The following HPGDS variants were observed in gnomAD, a reference collection of about 807,000 sequenced individuals.
HPGDS encodes the protein hematopoietic prostaglandin D synthase, also known as GST class-sigma.
In HPGDS, 26 loss-of-function variants were observed where a neutral mutation model predicts 23.1. That is an observed-to-expected ratio of 1.13 (90% CI 0.83 to 1.56). The LOEUF (loss-of-function observed/expected upper bound fraction) is 1.56. Ranked by LOEUF, HPGDS falls within the 40% of genes most tolerant of loss-of-function variation. The probability of loss-of-function intolerance (pLI) is 0.00; values close to 1 mark genes in which losing one functional copy is unlikely to be tolerated. For synonymous variants in HPGDS, 95 were observed against 77.9 expected (o/e 1.22, Z -1.16); for missense variants, 268 against 236.4 (o/e 1.13, Z -0.88).
chr4:94,340,334 T>TC (rs1721133392), intron 1 of HPGDS, among the ~76,000 whole-genome samples: 4 of 38,390 alleles, frequency 1.0e-4, no homozygotes, highest in Non-Finnish European at 1.7e-4. Context: ...TTTTTTTTTT[T>TC]TTTTTTTTTT....
At chr4:94,313,368 A>G (rs1417340177) in intron 3 of HPGDS, among the ~76,000 whole-genome samples, 1 of 152,084 alleles carries the variant, frequency 6.6e-6, no homozygotes, top group Non-Finnish European at 1.5e-5. Flanking sequence ...GCTTGTCTGG[A>G]AAGGATTTTA....
intron 2 of HPGDS, among the ~76,000 whole-genome samples, chr4:94,319,151 G>T (rs767592708): frequency 6.6e-6 from 1 of 152,118 alleles, no homozygotes; most frequent in Non-Finnish European, 1.5e-5. Context: ...TCCAACTCTT[G>T]TTACATTAGA....
At chr4:94,321,359 G>A (rs1237225076) in intron 2 of HPGDS, among the ~76,000 whole-genome samples, 2 of 152,126 alleles carry the variant, frequency 1.3e-5, no homozygotes, top group Admixed American at 1.3e-4. Flanking sequence ...TGGGCAGTAT[G>A]GCCATTTTCA....
intron 1 of HPGDS, among the ~76,000 whole-genome samples, chr4:94,339,568 T>A (rs1035026353): frequency 1.3e-5 from 2 of 152,236 alleles, no homozygotes; most frequent in African/African-American, 4.8e-5. Context: ...TGAACATAGC[T>A]ATCCACTGCA....
At chr4:94,336,001 T>C (rs1721003251) in intron 1 of HPGDS, among the ~76,000 whole-genome samples, 1 of 151,438 alleles carries the variant, frequency 6.6e-6, no homozygotes, top group Non-Finnish European at 1.5e-5. Flanking sequence ...AAGCCAGGAG[T>C]TCGAGACCAG....
At chr4:94,331,670 C>A (rs1035412780) in intron 2 of HPGDS, among the ~76,000 whole-genome samples, 4 of 152,148 alleles carry the variant, frequency 2.6e-5, no homozygotes, top group Admixed American at 6.5e-5. Context: ...TGCTATGGAT[C>A]TCACCATTTA....
At chr4:94,335,782 ATTAT>A (rs1421141355) in intron 1 of HPGDS, among the ~76,000 whole-genome samples, 31 of 152,236 alleles carry the variant, frequency 2.0e-4, no homozygotes, top group Non-Finnish European at 1.3e-4. Context: ...TATAATGATG[ATTAT>A]TTATTTAAAG....
chr4:94,310,203 C>T (rs1756235990), intron 3 of HPGDS, among the ~76,000 whole-genome samples: 1 of 152,164 alleles, frequency 6.6e-6, no homozygotes, highest in African/African-American at 2.4e-5. Flanking sequence ...GAAGTCCCTG[C>T]CCATGCCTAT....
At chr4:94,340,572 C>T (rs1165585881) in intron 1 of HPGDS, among the ~76,000 whole-genome samples, 1 of 147,178 alleles carries the variant, frequency 6.8e-6, no homozygotes, top group Non-Finnish European at 1.5e-5. Context: ...ATCTCCTGAC[C>T]TCGTGATCCG....
intron 1 of HPGDS, among the ~76,000 whole-genome samples, chr4:94,335,063 A>C (rs1025093401): frequency 1.3e-5 from 2 of 152,198 alleles, no homozygotes; most frequent in African/African-American, 2.4e-5. Context: ...TTATGAGGAC[A>C]TCTGGGTAAG....
At chr4:94,336,969 CGTTTTGTTTT>C (rs1721033960) in intron 1 of HPGDS, among the ~76,000 whole-genome samples, 1 of 91,678 alleles carries the variant, frequency 1.1e-5, no homozygotes, top group African/African-American at 4.9e-5. Flanking sequence ...CGTTTTGTTT[CGTTTTGTTTT>C]GTTGCAGCAC....
intron 1 of HPGDS, among the ~76,000 whole-genome samples, chr4:94,341,769 A>G (rs2126048348): frequency 6.6e-6 from 1 of 152,320 alleles, no homozygotes; most frequent in Admixed American, 6.5e-5. Context: ...TTGCCCAGTA[A>G]TAAACTTATA....
At chr4:94,311,969 G>A (rs1756283383) in intron 3 of HPGDS, among the ~76,000 whole-genome samples, 1 of 151,920 alleles carries the variant, frequency 6.6e-6, no homozygotes. Flanking sequence ...GTATTTCTGT[G>A]GGATCTGTGG....
intron 1 of HPGDS, 52 bp from the exon 2 acceptor site, chr4:94,334,690 CAA>C (rs762321740): frequency 2.7e-6 from 4 of 1,486,208 alleles, no homozygotes; most frequent in Non-Finnish European, 3.6e-6. Flanking sequence ...AGAGATGCCT[CAA>C]TATTTTTCTT....
rs181555108 is a variant in HPGDS, at chr4:94,316,748, G to C, written c.226+1125C>G. Among the ~76,000 whole-genome samples the C allele has an allele frequency of 3.3e-3, 498 of 152,294 alleles. 3 individuals carry two copies. Among genetic ancestry groups the C allele is most frequent in the Non-Finnish European group, 3.9e-3 (266 of 68,018 alleles). On this transcript the variant is annotated intron_variant, in intron 3 of 5. Transcript: ENST00000295256. ...ATCCATGGACCACCTGCATCATCTG[G>C]GAAATTGTTGAGAATGCAAATTCTT...
rs1262119677 is a variant in HPGDS at position 94,299,424 on chromosome 4, T to C, written c.*56A>G. On this transcript the variant is annotated 3_prime_UTR_variant, in exon 6 of 6. Transcript: ENST00000295256. ...ATCTGGCAGGCTGATGTAGCTGTCTTATCTGATGAGAGAGATGCCCCCGAG... is the reference window on the plus strand; with the variant it reads ...ATCTGGCAGGCTGATGTAGCTGTCTCATCTGATGAGAGAGATGCCCCCGAG... 2.7e-6 allele frequency: 4 copies of C among 1,506,822 alleles called. No individual in the cohort carries two copies. The highest frequency in any genetic ancestry group is 1.8e-6 in the Non-Finnish European group (2 of 1,111,570). 93.3% of individuals were successfully genotyped at this position (1,506,822 alleles called of 1,614,324 possible). A position where few individuals can be genotyped will look rare whatever the true frequency, so the allele number is the denominator to read the frequency against.
rs1560597876 is a variant in HPGDS at position 94,340,287 on chromosome 4, TTC to T, written c.-10+2506_-10+2507del. Among the ~76,000 whole-genome samples the T allele has an allele frequency of 1.6e-3, 114 of 70,672 alleles. 2 individuals are homozygous for T. The highest frequency in any genetic ancestry group is 4.6e-3 in the African/African-American group (100 of 21,618). The allele number at this position is 70,672 out of a possible 152,430, so 46.4% of individuals were successfully genotyped here. ...TTTCTTTCTTTCTTTCTTTCTTTCTTTCTTTCTTTCTTTCTTTCTTTCTCTTT... is the reference window on the plus strand; with the variant it reads ...TTTCTTTCTTTCTTTCTTTCTTTCTTTTTCTTTCTTTCTTTCTTTCTCTTT... On this transcript the variant is annotated intron_variant, in intron 1 of 5. Coordinates refer to ENST00000295256, the MANE Select transcript of HPGDS (RefSeq NM_014485.3).
chr4:94,313,802 C>A (rs1756333605), intron 3 of HPGDS, among the ~76,000 whole-genome samples: 1 of 152,198 alleles, frequency 6.6e-6, no homozygotes, highest in Non-Finnish European at 1.5e-5. Context: ...GGTCTTTTCA[C>A]ATAGTCCCAT....
At chr4:94,336,379 A>G (rs933884862) in intron 1 of HPGDS, among the ~76,000 whole-genome samples, 32 of 152,124 alleles carry the variant, frequency 2.1e-4, no homozygotes, top group African/African-American at 7.7e-4. Context: ...AGGTTCAGGA[A>G]GTGACGGTGA....
Sources: allele counts gnomAD v4.1 joint callset (sites outside exome capture counted in the v4.1 genomes callset), GRCh38; gene constraint gnomAD v4.1.1; transcripts MANE v1.5; gene names NCBI Gene and HGNC (gene_info 2026-07-23, HGNC 2026-07-21).